Variants in LGR5 observed in about 807,000 individuals in gnomAD.
The protein encoded by LGR5 is leucine-rich repeat-containing G protein-coupled receptor 5.
A neutral mutation model predicts 76.7 loss-of-function variants in LGR5; 54 were observed. The ratio of observed to expected loss-of-function variants is 0.70; its 90% confidence interval spans 0.57 to 0.88. The LOEUF (loss-of-function observed/expected upper bound fraction) is 0.88. Among genes scored for constraint, LGR5 ranks in the 40% least tolerant of loss-of-function variants. The probability of loss-of-function intolerance (pLI) is 0.00; values close to 1 mark genes in which losing one functional copy is unlikely to be tolerated. For missense variants in LGR5, 1,078 were observed against 1,073.3 expected (o/e 1.00, Z -0.06); for synonymous variants, 406 against 421.9 (o/e 0.96, Z 0.46).
intron 4 of LGR5, among the ~76,000 whole-genome samples, chr12:71,543,683 G>C (rs1660059150): frequency 6.6e-6 from 1 of 152,248 alleles, no homozygotes; most frequent in African/African-American, 2.4e-5. Flanking sequence ...TCTGGCAGCA[G>C]CCTACAGGAT....
intron 6 of LGR5, 115 bp downstream of exon 6, chr12:71,556,805 A>G (rs1877794234): frequency 1.8e-5 from 14 of 785,330 alleles, no homozygotes; most frequent in Non-Finnish European, 2.9e-5. Flanking sequence ...CTAAGCTTTC[A>G]ACAGATATTT....
At chr12:71,478,972 C>T (rs1343260809) in intron 1 of LGR5, among the ~76,000 whole-genome samples, 2 of 152,188 alleles carry the variant, frequency 1.3e-5, no homozygotes, top group African/African-American at 4.8e-5. Context: ...TCACGAAGGA[C>T]ATTTTCACTT....
rs1168010812 is a variant in LGR5 at position 71,483,662 on chromosome 12, C to T, written c.213-20952C>T. On this transcript the variant is annotated intron_variant, in intron 1 of 17. Transcript: ENST00000266674. ...AGACTCTGACTCTGCTGCTTACTGC[C>T]GTGTCACCTTGGGAAAGCTACTTAA... 5.3e-5 allele frequency among the ~76,000 whole-genome samples: 8 copies of T among 152,064 alleles called. No homozygotes were observed. In the East Asian group the frequency reaches 7.7e-4, roughly 15 times the overall value.
At chr12:71,474,748 G>A (rs191393282) in intron 1 of LGR5, among the ~76,000 whole-genome samples, 10 of 152,270 alleles carry the variant, frequency 6.6e-5, no homozygotes, top group Admixed American at 4.6e-4. Flanking sequence ...GCTTCTTTTA[G>A]ATAATGTTCA....
intron 4 of LGR5, 46 bp from the exon 5 acceptor site, chr12:71,553,027 C>T: frequency 6.4e-7 from 1 of 1,571,088 alleles, no homozygotes; most frequent in Non-Finnish European, 8.7e-7. Flanking sequence ...TGACCTTCTG[C>T]TTGGGCTTTG....
At chr12:71,509,574 A>T (rs1875042799) in intron 2 of LGR5, among the ~76,000 whole-genome samples, 1 of 152,204 alleles carries the variant, frequency 6.6e-6, no homozygotes, top group South Asian at 2.1e-4. Context: ...CAAATAAAAG[A>T]TCCTACATTT....
chr12:71,537,551 T>C (rs1043009048), intron 4 of LGR5, among the ~76,000 whole-genome samples: 1 of 152,142 alleles, frequency 6.6e-6, no homozygotes, highest in African/African-American at 2.4e-5. Flanking sequence ...GATACCATAT[T>C]GTACCAACAA....
intron 3 of LGR5, among the ~76,000 whole-genome samples, chr12:71,525,161 GA>G (rs907240435): frequency 6.6e-6 from 1 of 151,826 alleles, no homozygotes; most frequent in Non-Finnish European, 1.5e-5. Flanking sequence ...ATAATGCAAG[GA>G]AAAGTTTATC....
rs190347510 is a variant in LGR5 at position 71,581,882 on chromosome 12, A to G, written c.1553-574A>G. On this transcript the variant is annotated intron_variant, in intron 16 of 17. Transcript: ENST00000266674. Reference sequence around the variant, plus strand: ...AACTTTTAAAAAATATTGGTCCCCAATTCCCACATGAGACCAATTAAATCT... The same window carrying G: ...AACTTTTAAAAAATATTGGTCCCCAGTTCCCACATGAGACCAATTAAATCT... 1.6e-3 allele frequency among the ~76,000 whole-genome samples: 241 copies of G among 152,342 alleles called. 3 individuals carry two copies. The highest frequency in any genetic ancestry group is 5.3e-3 in the African/African-American group (222 of 41,578).
Position 71,489,206 on chromosome 12 carries a change from A to G in LGR5, c.213-15408A>G, listed in dbSNP as rs1228732431. ...GATTACTGGTTTGACAAGCCACACA[A>G]TGGTTATAAAACATTTTTGTTGTTT... On this transcript the variant is annotated intron_variant, in intron 1 of 17. Coordinates refer to ENST00000266674, the MANE Select transcript of LGR5 (RefSeq NM_003667.4). 5.9e-5 allele frequency among the ~76,000 whole-genome samples: 9 copies of G among 152,338 alleles called. No homozygotes were observed. The South Asian group carries it at 1.9e-3, about 32-fold the overall frequency.
At chr12:71,524,728 A>T (rs1875901865) in intron 3 of LGR5, among the ~76,000 whole-genome samples, 2 of 152,136 alleles carry the variant, frequency 1.3e-5, no homozygotes, top group African/African-American at 4.8e-5. Context: ...TACCTTATCA[A>T]CTCAGACTTT....
At chr12:71,467,338 G>A (rs1872907981) in intron 1 of LGR5, among the ~76,000 whole-genome samples, 1 of 152,184 alleles carries the variant, frequency 6.6e-6, no homozygotes, top group Non-Finnish European at 1.5e-5. Context: ...ATTTGAGAGA[G>A]ACTTGTTCAA....
At chr12:71,577,723 G>A (rs1878919097) in intron 13 of LGR5, among the ~76,000 whole-genome samples, 1 of 152,098 alleles carries the variant, frequency 6.6e-6, no homozygotes, top group East Asian at 1.9e-4. Context: ...TCCTTGATTG[G>A]TTTTAACAAG....
At position 71,495,430 on chromosome 12, in the gene LGR5, A is replaced by G. The variant is rs77869877; in HGVS notation, c.213-9184A>G. On this transcript the variant is annotated intron_variant, in intron 1 of 17. Transcript: ENST00000266674. ...CATTTACCAGAAACGTCCCAAGTTAAGTTTAGCTTATATCTGCAGTGTGAC... is the reference window on the plus strand; with the variant it reads ...CATTTACCAGAAACGTCCCAAGTTAGGTTTAGCTTATATCTGCAGTGTGAC... 1.8e-3 allele frequency among the ~76,000 whole-genome samples: 275 copies of G among 151,500 alleles called. 5 individuals are homozygous for G. In the East Asian group the frequency reaches 0.047, roughly 26 times the overall value.
At chr12:71,495,851 C>T (rs114551432) in intron 1 of LGR5, among the ~76,000 whole-genome samples, 2,232 of 148,258 alleles carry the variant, frequency 0.015, 168 homozygotes, top group African/African-American at 0.056. Context: ...ATTATTAGCC[C>T]TTTCCTTACT....
chr12:71,552,330 C>G (rs113612666), intron 4 of LGR5, among the ~76,000 whole-genome samples: 1 of 151,986 alleles, frequency 6.6e-6, no homozygotes, highest in Non-Finnish European at 1.5e-5. Context: ...TTTGGGAGGC[C>G]GAGGTGGGCA....
intron 1 of LGR5, among the ~76,000 whole-genome samples, chr12:71,502,200 T>C (rs1170401380): frequency 6.8e-6 from 1 of 148,050 alleles, no homozygotes; most frequent in Admixed American, 6.7e-5. Flanking sequence ...TTCCTTTTTT[T>C]TTTTTTTTTT....
At chr12:71,525,966 T>C (rs903694564) in intron 3 of LGR5, among the ~76,000 whole-genome samples, 1 of 152,126 alleles carries the variant, frequency 6.6e-6, no homozygotes, top group Non-Finnish European at 1.5e-5. Context: ...TATTCACTAG[T>C]GCATTACTAG....
chr12:71,531,479 T>C (rs1016776736), intron 3 of LGR5, among the ~76,000 whole-genome samples: 4 of 152,212 alleles, frequency 2.6e-5, no homozygotes, highest in Non-Finnish European at 4.4e-5. Flanking sequence ...AGGGCTTAAA[T>C]TGTTTTTTTG....
Sources: gnomAD v4.1 joint callset for allele counts (sites outside exome capture counted in the v4.1 genomes callset) on GRCh38, gnomAD v4.1.1 for gene constraint, MANE v1.5 for transcripts, NCBI Gene and HGNC (gene_info 2026-07-23, HGNC 2026-07-21) for gene names.